Variants in ANPEP observed in about 807,000 individuals in gnomAD.
The protein encoded by ANPEP is aminopeptidase N.
In ANPEP, 70 loss-of-function variants were observed where a neutral mutation model predicts 114.6. The ratio of observed to expected loss-of-function variants is 0.61; its 90% CI spans 0.50 to 0.75. The LOEUF is 0.75. Ranked by LOEUF, ANPEP falls within the 30% of genes least tolerant of loss-of-function variation. ANPEP has a pLI of 0.00. For missense variants in ANPEP, 1,184 were observed against 1,259.5 expected (o/e 0.94, Z 0.91); for synonymous variants, 548 against 522.3 (o/e 1.05, Z -0.67).
At chr15:89,786,745 C>A (rs1968514442) in intron 20 of ANPEP, among the ~76,000 whole-genome samples, 1 of 150,076 alleles carries the variant, frequency 6.7e-6, no homozygotes, top group Non-Finnish European at 1.5e-5. Flanking sequence ...TTAAAACTCA[C>A]TACAAAACTA....
chr15:89,794,900 G>A (rs1244015940), intron 15 of ANPEP, among the ~76,000 whole-genome samples: 1 of 152,036 alleles, frequency 6.6e-6, no homozygotes, highest in Non-Finnish European at 1.5e-5. Context: ...ATTTTTGAGG[G>A]TCCCCAGTGA....
At chr15:89,813,934 C>A (rs1192863652) in intron 1 of ANPEP, among the ~76,000 whole-genome samples, 1 of 150,530 alleles carries the variant, frequency 6.6e-6, no homozygotes, top group Non-Finnish European at 1.5e-5. Context: ...GAGTGGGGAT[C>A]CAGTCACAAA....
At chr15:89,791,221 G>C (rs1439571639) in intron 18 of ANPEP, 128 bp from the exon 19 acceptor site, 3 of 1,092,240 alleles carry the variant, frequency 2.7e-6, no homozygotes, top group Non-Finnish European at 4.0e-6. Flanking sequence ...AGGGGCTGAG[G>C]GACCCCTTGG....
chr15:89,798,833 G>A (rs1402991735), intron 14 of ANPEP, among the ~76,000 whole-genome samples: 8 of 152,274 alleles, frequency 5.3e-5, no homozygotes, highest in Non-Finnish European at 2.9e-5. Flanking sequence ...CCAGCAACTC[G>A]GGAGGCTGAG....
intron 15 of ANPEP, among the ~76,000 whole-genome samples, chr15:89,793,340 A>G (rs528511334): frequency 6.6e-6 from 1 of 152,028 alleles, no homozygotes; most frequent in South Asian, 2.1e-4. Context: ...GTCAGTTGCA[A>G]TATTCTTTGT....
intron 20 of ANPEP, 59 bp from the exon 21 acceptor site, chr15:89,785,560 G>GCT: frequency 1.2e-6 from 2 of 1,602,624 alleles, no homozygotes; most frequent in Non-Finnish European, 1.7e-6. Context: ...TTGAGGAGGA[G>GCT]CTCTCTCAGG....
At position 89,792,282 on chromosome 15, in the gene ANPEP, G is replaced by A. The variant is rs780606366; in HGVS notation, c.2406C>T (p.Ala802=). The A allele has an allele frequency of 5.6e-5, 91 of 1,614,134 alleles. 2 individuals are homozygous for A. In the South Asian group the frequency reaches 9.1e-4, roughly 16 times the overall value. Residue 802 remains alanine, a synonymous_variant, in exon 18 of 21, where the codon GCC becomes GCT. Transcript: ENST00000300060. ...AGTCCCACTCCTCCTCCCCGCCCTGGGCGATAGCGTTGCAGTAGACGGTGG... is the reference window on the plus strand; with the variant it reads ...AGTCCCACTCCTCCTCCCCGCCCTGAGCGATAGCGTTGCAGTAGACGGTGG... ...LRSTVYCNAI[A]QGGEEEWDFA...
chr15:89,793,125 T>A lies in ANPEP; in HGVS notation c.2159A>T (p.Asn720Ile), dbSNP rs1172059917. Residue 720 changes from asparagine (N) to isoleucine (I), a missense_variant and splice_region_variant, in exon 16 of 21, where the codon AAC becomes ATC. Asn to Ile is a moderately radical substitution (Grantham distance 149, BLOSUM62 -3). Transcript: ENST00000300060. Reference protein sequence around the residue: ...DRSEVYGPMKNYLKKQVTPLF... With the variant: ...DRSEVYGPMKIYLKKQVTPLF... ...GGGTGTGACCTGCTTCTTCAGGTAG[T>A]TCTGGGGAAAAGAAAATATGAATCT... 3 of 1,613,066 alleles carry A rather than the reference T, an allele frequency of 1.9e-6. No homozygotes were observed. In the East Asian group the frequency reaches 6.7e-5, roughly 36 times the overall value.
At chr15:89,813,678 C>T (rs1894854492) in intron 1 of ANPEP, among the ~76,000 whole-genome samples, 1 of 152,170 alleles carries the variant, frequency 6.6e-6, no homozygotes, top group Admixed American at 6.5e-5. Context: ...CAGAGGCTGT[C>T]CCCACTTCCT....
chr15:89,792,161 T>C lies in ANPEP; in HGVS notation c.2527A>G (p.Arg843Gly). ...ACSKELWILN[R>G]YLSYTLNPDL... is the part of the protein sequence containing the mutation. ...GTCCCACCCTGCGCCAAGACTCACC[T>C]GTTCAGGATCCACAACTCTTTGCTG... Residue 843 changes from arginine to glycine, a missense_variant and splice_region_variant, in exon 18 of 21, where the codon AGG becomes GGG. By Grantham distance (125) the Arg-to-Gly change is moderately radical (BLOSUM62 -2). Transcript: ENST00000300060. 1 of 1,613,656 alleles carries C rather than the reference T, an allele frequency of 6.2e-7. No individual in the cohort carries two copies. Among genetic ancestry groups the C allele is most frequent in the Middle Eastern group, 1.7e-4 (1 of 6,054 alleles).
chr15:89,790,541 A>G lies in ANPEP; in HGVS notation c.2670T>C (p.Asp890=). The part of the protein sequence containing the change: ...VQSNWKKLFN[D]YGGGSFSFSN... ...AGAAGGAGAACGAGCCACCACCATA[A>G]CTGCAGGGAGGGAGAGAGGTGAACT... is the stretch of plus-strand genomic sequence containing the variant. Residue 890 remains aspartate (D), a splice_region_variant and synonymous_variant, in exon 20 of 21, where the codon GAT becomes GAC. Transcript: ENST00000300060. 2 of 1,613,616 alleles carry G rather than the reference A, an allele frequency of 1.2e-6. No homozygotes were observed. Among genetic ancestry groups the G allele is most frequent in the Admixed American group, 1.7e-5 (1 of 60,008 alleles).
At chr15:89,793,785 C>T (rs1638543483) in intron 15 of ANPEP, among the ~76,000 whole-genome samples, 1 of 151,350 alleles carries the variant, frequency 6.6e-6, no homozygotes. Context: ...AAATAAAACA[C>T]ACCCAGGAGC....
At chr15:89,785,651 T>G (rs780108781) in intron 20 of ANPEP, 150 bp from the exon 21 acceptor site, 6 of 1,158,092 alleles carry the variant, frequency 5.2e-6, no homozygotes, top group Non-Finnish European at 7.2e-6. Flanking sequence ...ACGTCCACCT[T>G]GCTCCCGGGC....
intron 1 of ANPEP, among the ~76,000 whole-genome samples, chr15:89,811,420 A>G (rs1295298435): frequency 6.6e-6 from 1 of 151,606 alleles, no homozygotes; most frequent in Non-Finnish European, 1.5e-5. Flanking sequence ...GCTGAGGCGG[A>G]CGGATCACGA....
chr15:89,790,368 G>T (rs866601955), intron 20 of ANPEP, 92 bp downstream of exon 20: 1 of 1,181,606 alleles, frequency 8.5e-7, no homozygotes, highest in Middle Eastern at 2.1e-4. Flanking sequence ...TGGAGCCTGT[G>T]CTCCCTCAGG....
rs143160665 is a variant in ANPEP at position 89,788,590 on chromosome 15, T to C, written c.2751+1870A>G. Reference sequence around the variant, plus strand: ...ACCACATGGTTTTTTTCTGTTTGTTTGTTTGGTTTGGTTTGGTTTTGGTTT... The same window carrying C: ...ACCACATGGTTTTTTTCTGTTTGTTCGTTTGGTTTGGTTTGGTTTTGGTTT... On this transcript the variant is annotated intron_variant, in intron 20 of 20. Coordinates refer to ENST00000300060, the MANE Select transcript of ANPEP (RefSeq NM_001150.3). 4.6e-5 allele frequency among the ~76,000 whole-genome samples: 7 copies of C among 152,118 alleles called. No individual in the cohort carries two copies. The East Asian group carries it at 1.4e-3, about 29-fold the overall frequency.
chr15:89,813,994 G>GT lies in ANPEP; in HGVS notation c.-224+777_-224+778insA, dbSNP rs1555442947. 2.5e-3 allele frequency among the ~76,000 whole-genome samples: 364 copies of GT among 146,102 alleles called. 11 individuals are homozygous for GT. Among genetic ancestry groups the GT allele is most frequent in the African/African-American group, 8.7e-3 (351 of 40,388 alleles). ...CCGTCCCTGCCCACCGCACTGCTGG[G>GT]GGGGGGGGGTGCGTTCTGGAGTCAT... On this transcript the variant is annotated intron_variant, in intron 1 of 20. Coordinates refer to ENST00000300060, the MANE Select transcript of ANPEP (RefSeq NM_001150.3).
intron 12 of ANPEP, among the ~76,000 whole-genome samples, chr15:89,800,392 G>C (rs1342009059): frequency 6.6e-6 from 1 of 152,072 alleles, no homozygotes; most frequent in African/African-American, 2.4e-5. Flanking sequence ...AAAGCACTCA[G>C]CACAGCACTA....
intron 14 of ANPEP, 74 bp from the exon 15 acceptor site, chr15:89,797,796 G>A (rs1968759054): frequency 1.3e-6 from 2 of 1,597,534 alleles, no homozygotes; most frequent in Non-Finnish European, 1.7e-6. Flanking sequence ...CCCAACCCAG[G>A]CCCTCAAAGA....
Sources: allele counts gnomAD v4.1 joint callset (sites outside exome capture counted in the v4.1 genomes callset), GRCh38; gene constraint gnomAD v4.1.1; transcripts MANE v1.5; gene names NCBI Gene and HGNC (gene_info 2026-07-23, HGNC 2026-07-21).